WWTR1: variants seen among roughly 807,000 people sequenced by gnomAD.
The protein encoded by WWTR1 is WW domain containing transcription regulator 1, also known as WW domain-containing transcription regulator protein 1.
In WWTR1, 13 loss-of-function variants were observed where a neutral mutation model predicts 40.1. The observed-to-expected ratio is 0.32, with a 90% CI of 0.21 to 0.52. The LOEUF is 0.52. WWTR1 is among the 20% of genes least tolerant of loss of function. WWTR1 has a pLI of 0.97. For missense variants in WWTR1, 436 were observed against 523.1 expected (o/e 0.83, Z 1.63); for synonymous variants, 230 against 210.1 (o/e 1.09, Z -0.82).
intron 5 of WWTR1, among the ~76,000 whole-genome samples, chr3:149,714,059 T>G (rs955553212): frequency 1.3e-5 from 2 of 152,024 alleles, no homozygotes; most frequent in African/African-American, 4.8e-5. Context: ...CCAGGCCGAG[T>G]TGCCTGCTGG....
chr3:149,532,608 C>G (rs1735638949), intron 4 of WWTR1, among the ~76,000 whole-genome samples: 1 of 152,090 alleles, frequency 6.6e-6, no homozygotes, highest in Non-Finnish European at 1.5e-5. Context: ...CCTATTCCAA[C>G]TCATGAACTG....
At chr3:149,572,255 T>G (rs2107996688) in intron 3 of WWTR1, among the ~76,000 whole-genome samples, 1 of 152,140 alleles carries the variant, frequency 6.6e-6, no homozygotes, top group African/African-American at 2.4e-5. Flanking sequence ...ATGGAAGCAC[T>G]TGGCATGCTA....
At chr3:149,720,896 T>A (rs1273800067) in intron 4 of WWTR1, among the ~76,000 whole-genome samples, 2 of 152,180 alleles carry the variant, frequency 1.3e-5, no homozygotes, top group Non-Finnish European at 2.9e-5. Flanking sequence ...AATGGAATTG[T>A]TTTCTTAAGT....
intron 1 of WWTR1, among the ~76,000 whole-genome samples, chr3:149,672,414 G>T (rs1055988175): frequency 6.6e-6 from 1 of 152,220 alleles, no homozygotes; most frequent in East Asian, 1.9e-4. Context: ...CAGCAAGGAT[G>T]ATGGGGAAAA....
intron 4 of WWTR1, among the ~76,000 whole-genome samples, chr3:149,536,769 A>AAAAG (rs1560049264): frequency 1.3e-5 from 2 of 150,416 alleles, no homozygotes; most frequent in Non-Finnish European, 1.5e-5. Flanking sequence ...AAAAAAAAAA[A>AAAAG]AAAGAAAGAA....
intron 2 of WWTR1, among the ~76,000 whole-genome samples, chr3:149,596,670 T>C (rs2108041566): frequency 6.6e-6 from 1 of 152,348 alleles, no homozygotes; most frequent in South Asian, 2.1e-4. Flanking sequence ...CACTCAGACT[T>C]TGAAGCCATG....
At chr3:149,645,820 G>C (rs1712492127) in intron 2 of WWTR1, among the ~76,000 whole-genome samples, 1 of 151,954 alleles carries the variant, frequency 6.6e-6, no homozygotes, top group Admixed American at 6.6e-5. Context: ...AAACAACCTA[G>C]CATGTGTATT....
At chr3:149,586,124 T>A (rs527609437) in intron 2 of WWTR1, among the ~76,000 whole-genome samples, 1 of 152,328 alleles carries the variant, frequency 6.6e-6, no homozygotes, top group East Asian at 1.9e-4. Context: ...CCCATCCTTC[T>A]TCATGAAAGT....
intron 2 of WWTR1, among the ~76,000 whole-genome samples, chr3:149,596,251 G>T (rs1738999487): frequency 6.6e-6 from 1 of 152,178 alleles, no homozygotes; most frequent in Admixed American, 6.5e-5. Context: ...AAAGTTGTTT[G>T]GATGTTTTCC....
upstream of WWTR1, among the ~76,000 whole-genome samples, chr3:149,707,792 G>A (rs1715368397): frequency 6.6e-6 from 1 of 151,972 alleles, no homozygotes; most frequent in Admixed American, 6.6e-5. Context: ...AAACATATGT[G>A]TCTCTTACTG....
intron 2 of WWTR1, among the ~76,000 whole-genome samples, chr3:149,583,459 C>A (rs1428207879): frequency 6.6e-6 from 1 of 152,160 alleles, no homozygotes; most frequent in Non-Finnish European, 1.5e-5. Context: ...CTGCCTCAGC[C>A]TCCCGAGGCT....
chr3:149,649,551 C>T (rs181936791), intron 2 of WWTR1, among the ~76,000 whole-genome samples: 102 of 152,298 alleles, frequency 6.7e-4, no homozygotes, highest in Non-Finnish European at 1.4e-3. Flanking sequence ...TTCTGCTATG[C>T]CTAGACGGAA....
intron 2 of WWTR1, among the ~76,000 whole-genome samples, chr3:149,624,254 G>A (rs924283534): frequency 1.3e-5 from 2 of 152,336 alleles, no homozygotes; most frequent in Non-Finnish European, 1.5e-5. Context: ...GAGGCTGCTC[G>A]TTTGGGATGT....
At chr3:149,702,762 A>G (rs1715221347) in intron 1 of WWTR1, 1 of 152,190 alleles carries the variant, frequency 6.6e-6, no homozygotes, top group African/African-American at 2.4e-5. Flanking sequence ...GAGGCAAAAA[A>G]TCAGTTTAAG....
rs543794694 is a variant in WWTR1, at chr3:149,592,573, AT to A, written c.432-19574del. 1.1e-4 allele frequency among the ~76,000 whole-genome samples: 16 copies of A among 152,354 alleles called. No individual in the cohort carries two copies. The South Asian group carries it at 3.3e-3, about 32-fold the overall frequency. The stretch of plus-strand genomic sequence containing the variant: ...ATATAGATTAGAGAGATTAATCGGC[AT>A]ATATCAGAATATATATATACAGGCA... On this transcript the variant is annotated intron_variant, in intron 2 of 6. Coordinates refer to ENST00000360632, the MANE Select transcript of WWTR1 (RefSeq NM_015472.6).
chr3:149,717,985 A>C (rs910538673), intron 4 of WWTR1, among the ~76,000 whole-genome samples: 1 of 152,186 alleles, frequency 6.6e-6, no homozygotes, highest in Non-Finnish European at 1.5e-5. Context: ...TGATCATATC[A>C]TCAAGGCTGA....
chr3:149,705,909 T>C (rs1323073395), upstream of WWTR1, among the ~76,000 whole-genome samples: 2 of 152,198 alleles, frequency 1.3e-5, no homozygotes, highest in Admixed American at 1.3e-4. Flanking sequence ...TGAAAAATAA[T>C]GTTGCAGTGC....
chr3:149,643,648 G>A (rs1050504817), intron 2 of WWTR1, among the ~76,000 whole-genome samples: 11 of 152,068 alleles, frequency 7.2e-5, no homozygotes, highest in Non-Finnish European at 1.5e-5. Context: ...ATCTAATTGA[G>A]ATCTTTATTT....
At chr3:149,530,836 G>A (rs1272398871) in intron 4 of WWTR1, among the ~76,000 whole-genome samples, 3 of 151,996 alleles carry the variant, frequency 2.0e-5, no homozygotes, top group South Asian at 2.1e-4. Flanking sequence ...GGCAAATGCC[G>A]CCTTCTGTCT....
Sources: allele counts gnomAD v4.1 joint callset (sites outside exome capture counted in the v4.1 genomes callset), GRCh38; gene constraint gnomAD v4.1.1; transcripts MANE v1.5; gene names NCBI Gene and HGNC (gene_info 2026-07-23, HGNC 2026-07-21).